ZDHHC15: variants seen among roughly 807,000 people sequenced by gnomAD.
ZDHHC15 encodes the protein palmitoyltransferase ZDHHC15.
ZDHHC15 carries 19 observed loss-of-function variants against 31.7 expected under a neutral mutation model. That is an observed-to-expected ratio of 0.60 (90% CI 0.42 to 0.88). The LOEUF is 0.88. ZDHHC15 is among the 40% of genes least tolerant of loss of function. ZDHHC15 has a pLI of 0.00. For synonymous variants in ZDHHC15, 103 were observed against 90.0 expected (o/e 1.14, Z -0.82); for missense variants, 209 against 251.2 (o/e 0.83, Z 1.14).
intron 4 of ZDHHC15, among the ~76,000 whole-genome samples, chrX:75,449,201 TAC>T (rs3075226): frequency 0.029 from 2,183 of 76,507 alleles, 60 homozygotes; most frequent in African/African-American, 0.066. Context: ...TCTCTCTCTA[TAC>T]ACACACACAC....
chrX:75,407,288 G>A (rs1251987222), intron 10 of ZDHHC15, among the ~76,000 whole-genome samples: 10 of 111,043 alleles, frequency 9.0e-5, no homozygotes, highest in African/African-American at 1.6e-4. Context: ...GAGCCCCTCC[G>A]CCCAGCAGCC....
intron 1 of ZDHHC15, among the ~76,000 whole-genome samples, chrX:75,508,302 C>G (rs1181692851): frequency 3.1e-5 from 2 of 65,254 alleles, no homozygotes; most frequent in Non-Finnish European, 5.3e-5. Flanking sequence ...CCCCTCCCCC[C>G]ACCCCACAAT....
intron 9 of ZDHHC15, among the ~76,000 whole-genome samples, chrX:75,419,780 T>G (rs768125004): frequency 9.2e-6 from 1 of 108,389 alleles, no homozygotes; most frequent in Non-Finnish European, 1.9e-5. Flanking sequence ...TAAAAAATGA[T>G]GAGTTCATGT....
intron 1 of ZDHHC15, among the ~76,000 whole-genome samples, chrX:75,509,597 C>T (rs1435517368): frequency 8.9e-6 from 1 of 112,126 alleles, no homozygotes; most frequent in African/African-American, 3.2e-5. Flanking sequence ...TGATGTACAG[C>T]ATATACTTTG....
intron 10 of ZDHHC15, among the ~76,000 whole-genome samples, chrX:75,409,483 G>T: frequency 3.1e-5 from 1 of 32,722 alleles, no homozygotes; most frequent in African/African-American, 1.3e-4. Flanking sequence ...GGAAGTCCCT[G>T]CCAAAAAAAA....
intron 4 of ZDHHC15, among the ~76,000 whole-genome samples, chrX:75,448,511 G>A (rs1466806701): frequency 1.8e-5 from 2 of 111,661 alleles, no homozygotes; most frequent in Non-Finnish European, 3.8e-5. Flanking sequence ...GTAACATAAG[G>A]TGCATTGACT....
chrX:75,498,662 C>A (rs1352029998), intron 2 of ZDHHC15, among the ~76,000 whole-genome samples: 1 of 111,592 alleles, frequency 9.0e-6, no homozygotes, highest in East Asian at 2.8e-4. Context: ...GAAACACATC[C>A]CATGCTCATG....
chrX:75,440,246 G>T (rs764289094), intron 4 of ZDHHC15, among the ~76,000 whole-genome samples: 1 of 103,839 alleles, frequency 9.6e-6, no homozygotes, highest in Non-Finnish European at 2.0e-5. Context: ...CTCCTTTCTT[G>T]GAGCAGGGTT....
chrX:75,515,240 C>T (rs2085337754), intron 1 of ZDHHC15, among the ~76,000 whole-genome samples: 3 of 111,142 alleles, frequency 2.7e-5, no homozygotes, highest in African/African-American at 9.8e-5. Context: ...CCAACATCAT[C>T]CTGATACCAA....
intron 3 of ZDHHC15, among the ~76,000 whole-genome samples, chrX:75,471,024 T>G (rs191372777): frequency 1.2e-3 from 139 of 112,398 alleles, no homozygotes; most frequent in African/African-American, 4.3e-3. Flanking sequence ...AACAGATGGA[T>G]TTTGGAGAAT....
intron 11 of ZDHHC15, among the ~76,000 whole-genome samples, chrX:75,374,658 AGTGT>A (rs760934695): frequency 6.8e-4 from 68 of 99,976 alleles, no homozygotes; most frequent in East Asian, 2.0e-3. Context: ...AGTAAATTTT[AGTGT>A]GTGTGTGTGT....
In ZDHHC15 at chrX:75,370,473, T is replaced by C. The variant is rs1391047285; in HGVS notation, c.*2505A>G. ...TGAGACCAAAATGCTAAGATAGGAA[T>C]AGGTTTTCTTTTTATCTCTGAGCCC... On this transcript the variant is annotated 3_prime_UTR_variant, in exon 12 of 12. Coordinates refer to ENST00000373367, the MANE Select transcript of ZDHHC15 (RefSeq NM_144969.3). The C allele has an allele frequency of 1.8e-5, 2 of 110,137 alleles. No homozygotes were observed. Among genetic ancestry groups the C allele is most frequent in the Admixed American group, 9.7e-5 (1 of 10,325 alleles). 9.1% of individuals were successfully genotyped at this position (110,137 alleles called of 1,213,427 possible). A position where few individuals can be genotyped will look rare whatever the true frequency, so the allele number is the denominator to read the frequency against.
At chrX:75,433,861 G>C (rs956831870) in intron 4 of ZDHHC15, among the ~76,000 whole-genome samples, 1 of 110,865 alleles carries the variant, frequency 9.0e-6, no homozygotes, top group Non-Finnish European at 1.9e-5. Flanking sequence ...AAATACCCAG[G>C]AGTGGGATTG....
intron 4 of ZDHHC15, among the ~76,000 whole-genome samples, chrX:75,447,491 T>C (rs73220102): frequency 8.9e-6 from 1 of 112,331 alleles, no homozygotes; most frequent in Non-Finnish European, 1.9e-5. Context: ...CCCATCATCC[T>C]GAAGCAGCTA....
chrX:75,433,061 G>T (rs1281869597), intron 4 of ZDHHC15, among the ~76,000 whole-genome samples: 1 of 111,485 alleles, frequency 9.0e-6, no homozygotes, highest in Non-Finnish European at 1.9e-5. Flanking sequence ...AACACCTTCA[G>T]AATAAAATCC....
chrX:75,411,918 A>G (rs2147820737), intron 10 of ZDHHC15, among the ~76,000 whole-genome samples: 1 of 112,327 alleles, frequency 8.9e-6, no homozygotes, highest in African/African-American at 3.2e-5. Flanking sequence ...AACTCATCCA[A>G]CTCAATAGCA....
At chrX:75,506,395 T>G (rs1409401962) in intron 1 of ZDHHC15, among the ~76,000 whole-genome samples, 3 of 111,789 alleles carry the variant, frequency 2.7e-5, no homozygotes, top group Non-Finnish European at 3.8e-5. Context: ...GGCTATTTCT[T>G]CAGGCCTTTC....
At chrX:75,392,376 G>T (rs2083254301) in intron 10 of ZDHHC15, among the ~76,000 whole-genome samples, 1 of 111,597 alleles carries the variant, frequency 9.0e-6, no homozygotes, top group Non-Finnish European at 1.9e-5. Flanking sequence ...TCAAATTAAG[G>T]GTGGGCCTGC....
intron 4 of ZDHHC15, among the ~76,000 whole-genome samples, chrX:75,437,117 G>A (rs922907695): frequency 3.6e-5 from 4 of 110,657 alleles, no homozygotes; most frequent in Non-Finnish European, 7.6e-5. Context: ...GCCTTACCTC[G>A]TGATCCGCCC....
Sources: allele counts gnomAD v4.1 joint callset (sites outside exome capture counted in the v4.1 genomes callset), GRCh38; gene constraint gnomAD v4.1.1; transcripts MANE v1.5; gene names NCBI Gene and HGNC (gene_info 2026-07-23, HGNC 2026-07-21).